The following PPP1R14C variants were observed in gnomAD, a reference collection of about 807,000 sequenced individuals.
PPP1R14C encodes protein phosphatase 1 regulatory subunit 14C.
A neutral mutation model predicts 20.4 loss-of-function variants in PPP1R14C; 16 were observed. The ratio of observed to expected loss-of-function variants is 0.78; its 90% CI spans 0.53 to 1.19. PPP1R14C has a LOEUF of 1.19. Among genes scored for constraint, PPP1R14C ranks in the 50% most tolerant of loss-of-function variants. The probability of loss-of-function intolerance (pLI) is 0.00; values close to 1 mark genes in which losing one functional copy is unlikely to be tolerated. For synonymous variants in PPP1R14C, 91 were observed against 91.0 expected, an observed-to-expected ratio of 1.00 and a Z score of 0.00; for missense variants, 211 against 220.1, an observed-to-expected ratio of 0.96 and a Z score of 0.26.
At chr6:150,245,667 T>C (rs1176282470) in intron 3 of PPP1R14C, among the ~76,000 whole-genome samples, 1 of 152,218 alleles carries the variant, frequency 6.6e-6, no homozygotes, top group Non-Finnish European at 1.5e-5. Flanking sequence ...GTTGGAGTGA[T>C]AGTATTTTAG....
intron 1 of PPP1R14C, among the ~76,000 whole-genome samples, chr6:150,172,503 A>G (rs981121143): frequency 5.9e-5 from 9 of 152,168 alleles, no homozygotes; most frequent in African/African-American, 1.9e-4. Context: ...AGAGCGAGGT[A>G]CAGCTGAGTG....
At chr6:150,179,264 T>TGTG (rs1344226910) in intron 1 of PPP1R14C, among the ~76,000 whole-genome samples, 1 of 151,988 alleles carries the variant, frequency 6.6e-6, no homozygotes, top group Non-Finnish European at 1.5e-5. Flanking sequence ...ATTTGCCAGG[T>TGTG]GTGGTGGTGC....
At chr6:150,197,028 C>A (rs1026291177) in intron 1 of PPP1R14C, among the ~76,000 whole-genome samples, 2 of 152,226 alleles carry the variant, frequency 1.3e-5, no homozygotes, top group African/African-American at 4.8e-5. Context: ...CTTCTCCCTC[C>A]CTCCAGTAAA....
intron 3 of PPP1R14C, among the ~76,000 whole-genome samples, chr6:150,232,387 G>C (rs974511004): frequency 6.6e-6 from 1 of 152,148 alleles, no homozygotes; most frequent in Non-Finnish European, 1.5e-5. Flanking sequence ...ATTTTCACTT[G>C]TGTTATCTTT....
At chr6:150,200,749 A>G (rs2114897100) in intron 1 of PPP1R14C, among the ~76,000 whole-genome samples, 1 of 152,310 alleles carries the variant, frequency 6.6e-6, no homozygotes, top group South Asian at 2.1e-4. Flanking sequence ...TTACTCCCAA[A>G]CTTGCTTCTT....
At chr6:150,220,005 G>A (rs980728280) in intron 3 of PPP1R14C, among the ~76,000 whole-genome samples, 9 of 152,000 alleles carry the variant, frequency 5.9e-5, no homozygotes, top group South Asian at 2.1e-4. Context: ...ATAGGCATGG[G>A]GCACCATGCC....
At chr6:150,189,853 C>A (rs1777722047) in intron 1 of PPP1R14C, among the ~76,000 whole-genome samples, 1 of 152,162 alleles carries the variant, frequency 6.6e-6, no homozygotes, top group Non-Finnish European at 1.5e-5. Context: ...CTGAGTAGTT[C>A]TAACTGAATC....
intron 1 of PPP1R14C, among the ~76,000 whole-genome samples, chr6:150,180,787 G>A (rs1166322841): frequency 2.0e-5 from 3 of 152,160 alleles, no homozygotes; most frequent in African/African-American, 7.2e-5. Flanking sequence ...TTTGAAGGGA[G>A]CCTGGAGCTG....
intron 3 of PPP1R14C, among the ~76,000 whole-genome samples, chr6:150,228,081 T>C (rs528528200): frequency 6.6e-6 from 1 of 152,340 alleles, no homozygotes; most frequent in South Asian, 2.1e-4. Context: ...TTTTATGAAT[T>C]GAGCACAAGC....
Position 150,195,741 on chromosome 6 carries a change from A to AT in PPP1R14C, c.307-18994dup, listed in dbSNP as rs370222163. 8.2e-3 allele frequency: 4,754 copies of AT among 578,554 alleles called. 64 individuals are homozygous for AT. The highest frequency in any genetic ancestry group is 0.053 in the African/African-American group (2,606 of 48,864). 35.8% of individuals were successfully genotyped at this position (578,554 alleles called of 1,614,324 possible). On this transcript the variant is annotated intron_variant, in intron 1 of 3. Transcript: ENST00000361131. The stretch of plus-strand genomic sequence containing the variant: ...GTCAGCTACATTAAGTACATTTACT[A>AT]TTTTTTTTTGCAACCATCCCCACCA...
In PPP1R14C at chr6:150,228,980, G is replaced by A. The variant is rs568906511; in HGVS notation, c.423+12124G>A. Among the ~76,000 whole-genome samples the A allele has an allele frequency of 1.2e-4, 18 of 152,208 alleles. No individual in the cohort carries two copies. In the South Asian group the frequency reaches 2.9e-3, roughly 25 times the overall value. ...ACAAGCTTTAAAGGGCAGTGGACCCGATTAGCATTTTCAAATGATTGACTG... is the reference window on the plus strand; with the variant it reads ...ACAAGCTTTAAAGGGCAGTGGACCCAATTAGCATTTTCAAATGATTGACTG... On this transcript the variant is annotated intron_variant, in intron 3 of 3. Transcript: ENST00000361131.
chr6:150,223,084 A>T (rs1372916319), intron 3 of PPP1R14C, among the ~76,000 whole-genome samples: 3 of 152,138 alleles, frequency 2.0e-5, no homozygotes, highest in African/African-American at 7.2e-5. Context: ...TGGCTTTTAA[A>T]AAATGTGATG....
chr6:150,145,110 G>C (rs1461969117), intron 1 of PPP1R14C, among the ~76,000 whole-genome samples: 1 of 152,112 alleles, frequency 6.6e-6, no homozygotes, highest in African/African-American at 2.4e-5. Context: ...ATTAGGCTTA[G>C]ATTGGGAAGC....
At chr6:150,220,354 T>G (rs1778151554) in intron 3 of PPP1R14C, among the ~76,000 whole-genome samples, 1 of 152,242 alleles carries the variant, frequency 6.6e-6, no homozygotes, top group Non-Finnish European at 1.5e-5. Context: ...ACTTTAGGCT[T>G]TCTGGAAGCA....
intron 1 of PPP1R14C, among the ~76,000 whole-genome samples, chr6:150,162,061 C>T (rs12397692): frequency 2.1e-5 from 3 of 143,556 alleles, no homozygotes; most frequent in Admixed American, 6.9e-5. Context: ...TTTCTTTTTT[C>T]TTTTTTTTTT....
At chr6:150,171,816 T>A (rs1777502906) in intron 1 of PPP1R14C, among the ~76,000 whole-genome samples, 1 of 152,210 alleles carries the variant, frequency 6.6e-6, no homozygotes, top group Non-Finnish European at 1.5e-5. Flanking sequence ...TTTTCTTTTT[T>A]CTTTTTTTTG....
rs374306428 is a variant in PPP1R14C at position 150,214,244 on chromosome 6, C to T, written c.307-500C>T. ...AGAGCTGTGAAGGAAGATGTGGACCCCCAAATAAAGATTGGGGTAATCACC... is the reference window on the plus strand; with the variant it reads ...AGAGCTGTGAAGGAAGATGTGGACCTCCAAATAAAGATTGGGGTAATCACC... On this transcript the variant is annotated intron_variant, in intron 1 of 3. Transcript: ENST00000361131. 2.9e-4 allele frequency among the ~76,000 whole-genome samples: 44 copies of T among 152,206 alleles called. 2 individuals are homozygous for T. The South Asian group carries it at 3.7e-3, about 13-fold the overall frequency.
chr6:150,212,686 G>A (rs1042529903), intron 1 of PPP1R14C, among the ~76,000 whole-genome samples: 1 of 152,192 alleles, frequency 6.6e-6, no homozygotes, highest in African/African-American at 2.4e-5. Flanking sequence ...CAGCATTTCA[G>A]TCAACAATGG....
At chr6:150,241,974 C>G (rs1424808401) in intron 3 of PPP1R14C, among the ~76,000 whole-genome samples, 3 of 152,132 alleles carry the variant, frequency 2.0e-5, no homozygotes, top group Non-Finnish European at 4.4e-5. Context: ...TGTGGGGAAA[C>G]CCCCCACCCA....
Sources: allele counts gnomAD v4.1 joint callset (sites outside exome capture counted in the v4.1 genomes callset), GRCh38; gene constraint gnomAD v4.1.1; transcripts MANE v1.5; gene names NCBI Gene and HGNC (gene_info 2026-07-23, HGNC 2026-07-21).